Variants in GPD2 observed in about 807,000 individuals in gnomAD.
GPD2 encodes glycerol-3-phosphate dehydrogenase 2.
In GPD2, 54 loss-of-function variants were observed where a neutral mutation model predicts 82.4. That is an observed-to-expected ratio of 0.66 (90% CI 0.53 to 0.82). GPD2 has a LOEUF of 0.82. GPD2 is among the 40% of genes least tolerant of loss of function. The pLI is 0.00. For synonymous variants in GPD2, 288 were observed against 306.1 expected, an observed-to-expected ratio of 0.94 and a Z score of 0.62; for missense variants, 748 against 896.2, an observed-to-expected ratio of 0.83 and a Z score of 2.11.
chr2:156,486,583 A>G (rs1683951258), intron 2 of GPD2, among the ~76,000 whole-genome samples: 1 of 152,222 alleles, frequency 6.6e-6, no homozygotes, highest in South Asian at 2.1e-4. Flanking sequence ...CCCTCTCCCC[A>G]TTCCCCATCC....
intron 2 of GPD2, among the ~76,000 whole-genome samples, chr2:156,481,649 T>TG (rs1226991633): frequency 2.8e-5 from 4 of 143,284 alleles, no homozygotes; most frequent in South Asian, 2.2e-4. Context: ...ATTCTTTTTC[T>TG]TTTTTTTTTT....
At chr2:156,472,199 T>G (rs756268134) in intron 1 of GPD2, among the ~76,000 whole-genome samples, 16 of 152,208 alleles carry the variant, frequency 1.1e-4, no homozygotes, top group African/African-American at 2.9e-4. Flanking sequence ...ATCTTTTTTT[T>G]TTGTTTGTAA....
At position 156,583,011 on chromosome 2, in the gene GPD2, T is replaced by G; in HGVS notation, c.*93T>G. The G allele has an allele frequency of 1.5e-6, 2 of 1,327,528 alleles. No homozygotes were observed. The highest frequency in any genetic ancestry group is 2.2e-6 in the Non-Finnish European group (2 of 927,914). The allele number at this position is 1,327,528 out of a possible 1,614,324, so 82.2% of individuals were successfully genotyped here. A position where few individuals can be genotyped will look rare whatever the true frequency, so the allele number is the denominator to read the frequency against. ...ACTGAAACCACTCTGAAATAATGAA[T>G]GTGGATAGCTGCCTTTTTTAACACT... On this transcript the variant is annotated 3_prime_UTR_variant, in exon 17 of 17. Coordinates refer to ENST00000438166, the MANE Select transcript of GPD2 (RefSeq NM_000408.5).
At chr2:156,512,426 G>T (rs1437559725) in intron 5 of GPD2, 109 bp downstream of exon 5, 10 of 745,890 alleles carry the variant, frequency 1.3e-5, no homozygotes, top group Non-Finnish European at 2.2e-5. Flanking sequence ...GGTTTTAATT[G>T]GTCCTAATCT....
intron 6 of GPD2, among the ~76,000 whole-genome samples, chr2:156,530,001 T>C (rs2105303735): frequency 6.6e-6 from 1 of 151,882 alleles, no homozygotes; most frequent in East Asian, 1.9e-4. Context: ...TTGATGGGGA[T>C]GGCATTGAAT....
chr2:156,583,061 T>G lies in GPD2; in HGVS notation c.*143T>G, dbSNP rs1316366748. ...TAGAAAACATTCCAAAACTTTAAGGTGTTGGTGTATTTGCCAGCTTTATTT... is the reference window on the plus strand; with the variant it reads ...TAGAAAACATTCCAAAACTTTAAGGGGTTGGTGTATTTGCCAGCTTTATTT... On this transcript the variant is annotated 3_prime_UTR_variant, in exon 17 of 17. Coordinates refer to ENST00000438166, the MANE Select transcript of GPD2 (RefSeq NM_000408.5). 4 of 855,044 alleles carry G rather than the reference T, an allele frequency of 4.7e-6. No individual in the cohort carries two copies. Among genetic ancestry groups the G allele is most frequent in the Non-Finnish European group, 7.7e-6 (4 of 521,662 alleles). 53.0% of individuals were successfully genotyped at this position (855,044 alleles called of 1,614,324 possible). A position where few individuals can be genotyped will look rare whatever the true frequency, so the allele number is the denominator to read the frequency against.
At chr2:156,413,511 G>A in the GPD2 span, among the ~76,000 whole-genome samples, 1 of 151,468 alleles carries the variant, frequency 6.6e-6, no homozygotes, top group Non-Finnish European at 1.5e-5. Flanking sequence ...TTGAACCCAG[G>A]AGGCAGAGGT....
chr2:156,568,095 T>C (rs1335356343), intron 9 of GPD2, among the ~76,000 whole-genome samples: 1 of 152,100 alleles, frequency 6.6e-6, no homozygotes, highest in Admixed American at 6.6e-5. Flanking sequence ...ATTTAAGAGG[T>C]AAGAATATGG....
the GPD2 span, among the ~76,000 whole-genome samples, chr2:156,408,025 G>T: frequency 7.1e-6 from 1 of 141,584 alleles, no homozygotes; most frequent in Non-Finnish European, 1.5e-5. Flanking sequence ...TGCAATCACG[G>T]CTCACTGTTG....
At chr2:156,499,790 C>T (rs1052247269) in intron 3 of GPD2, among the ~76,000 whole-genome samples, 1 of 147,218 alleles carries the variant, frequency 6.8e-6, no homozygotes. Flanking sequence ...ATTAATTATT[C>T]TTTAGGTTGT....
chr2:156,401,186 A>C, the GPD2 span, among the ~76,000 whole-genome samples: 1 of 152,244 alleles, frequency 6.6e-6, no homozygotes, highest in Non-Finnish European at 1.5e-5. Flanking sequence ...CCCGCGTGGC[A>C]GGCGAGAATT....
At chr2:156,419,899 A>T in the GPD2 span, among the ~76,000 whole-genome samples, 1 of 152,266 alleles carries the variant, frequency 6.6e-6, no homozygotes, top group Non-Finnish European at 1.5e-5. Context: ...AAAGTTACAC[A>T]GCATTTTTAA....
chr2:156,491,190 C>T (rs1210093238), intron 2 of GPD2, among the ~76,000 whole-genome samples: 1 of 152,220 alleles, frequency 6.6e-6, no homozygotes, highest in Non-Finnish European at 1.5e-5. Flanking sequence ...TAAACAGAAG[C>T]ACTGGAATCA....
chr2:156,495,803 A>G (rs940830953), intron 2 of GPD2: 1 of 503,664 alleles, frequency 2.0e-6, no homozygotes, highest in Non-Finnish European at 3.7e-6. Flanking sequence ...CAGTTGAGAC[A>G]TTGAATCTGA....
the GPD2 span, among the ~76,000 whole-genome samples, chr2:156,411,299 C>G: frequency 6.6e-6 from 1 of 151,670 alleles, no homozygotes; most frequent in Non-Finnish European, 1.5e-5. Context: ...CACATAAGTT[C>G]TCTCTCTCTC....
At chr2:156,526,655 G>T (rs1209713359) in intron 6 of GPD2, among the ~76,000 whole-genome samples, 1 of 151,918 alleles carries the variant, frequency 6.6e-6, no homozygotes, top group African/African-American at 2.4e-5. Context: ...AAAGACATTC[G>T]GAGAACACAT....
At chr2:156,404,934 G>C in the GPD2 span, among the ~76,000 whole-genome samples, 2 of 152,064 alleles carry the variant, frequency 1.3e-5, no homozygotes. Context: ...CAAAAACCAT[G>C]AGAAAATTTT....
At position 156,586,219 on chromosome 2, in the gene GPD2, A is replaced by C. The variant is rs1432513092; in HGVS notation, c.*3301A>C. The C allele has an allele frequency of 4.6e-5, 7 of 152,138 alleles. No individual in the cohort carries two copies. Among genetic ancestry groups the C allele is most frequent in the Non-Finnish European group, 1.0e-4 (7 of 67,810 alleles). The allele number at this position is 152,138 out of a possible 1,614,324, so 9.4% of individuals were successfully genotyped here. ...TTTGATTACTGTTGAAGTTTAAAAAAAGTTTGAAAATATTTTTACAAACTG... is the reference window on the plus strand; with the variant it reads ...TTTGATTACTGTTGAAGTTTAAAAACAGTTTGAAAATATTTTTACAAACTG... On this transcript the variant is annotated 3_prime_UTR_variant, in exon 17 of 17. Transcript: ENST00000438166.
intron 13 of GPD2, among the ~76,000 whole-genome samples, chr2:156,576,530 T>C (rs1209726043): frequency 1.3e-5 from 2 of 151,966 alleles, no homozygotes; most frequent in African/African-American, 4.8e-5. Context: ...CCCCCAAAAC[T>C]GGAAGAATTT....
Sources: gnomAD v4.1 joint callset for allele counts (sites outside exome capture counted in the v4.1 genomes callset) on GRCh38, gnomAD v4.1.1 for gene constraint, MANE v1.5 for transcripts, NCBI Gene and HGNC (gene_info 2026-07-23, HGNC 2026-07-21) for gene names.